Variants in RCAN2 observed in about 807,000 individuals in gnomAD.
RCAN2 encodes regulator of calcineurin 2.
In RCAN2, 9 loss-of-function variants were observed where a neutral mutation model predicts 23.6. The observed-to-expected ratio is 0.38, with a 90% CI of 0.23 to 0.67. RCAN2 has a LOEUF of 0.67. Among genes scored for constraint, RCAN2 ranks in the 30% least tolerant of loss-of-function variants. The probability of loss-of-function intolerance (pLI) is 0.51; values close to 1 mark genes in which losing one functional copy is unlikely to be tolerated. For missense variants in RCAN2, 273 were observed against 302.3 expected, an observed-to-expected ratio of 0.90 and a Z score of 0.72; for synonymous variants, 109 against 115.7, an observed-to-expected ratio of 0.94 and a Z score of 0.37.
At chr6:46,359,526 C>T (rs1764938826) in intron 2 of RCAN2, among the ~76,000 whole-genome samples, 2 of 152,190 alleles carry the variant, frequency 1.3e-5, no homozygotes, top group Admixed American at 6.5e-5. Flanking sequence ...CTAATTCTAT[C>T]AGAATCCTCC....
intron 2 of RCAN2, among the ~76,000 whole-genome samples, chr6:46,429,702 T>C (rs1018876542): frequency 4.6e-5 from 7 of 152,116 alleles, no homozygotes; most frequent in Non-Finnish European, 1.0e-4. Context: ...TTCTTGCCCT[T>C]ATGGACCCTA....
intron 2 of RCAN2, among the ~76,000 whole-genome samples, chr6:46,431,483 C>G (rs1284254953): frequency 6.6e-6 from 1 of 152,110 alleles, no homozygotes; most frequent in African/African-American, 2.4e-5. Context: ...AATAGAAGTC[C>G]GCTCCTTGTT....
intron 1 of RCAN2, among the ~76,000 whole-genome samples, chr6:46,483,574 CTGAG>C (rs1447969576): frequency 5.3e-5 from 8 of 152,174 alleles, no homozygotes; most frequent in East Asian, 1.9e-4. Flanking sequence ...GAAAATCTGA[CTGAG>C]TAAGTAATTC....
intron 2 of RCAN2, among the ~76,000 whole-genome samples, chr6:46,369,246 TGC>T (rs1435289326): frequency 1.3e-5 from 2 of 152,142 alleles, no homozygotes; most frequent in African/African-American, 4.8e-5. Context: ...ATAATGACAA[TGC>T]CTTCTGGAAT....
At chr6:46,399,183 G>T (rs1232395179) in intron 2 of RCAN2, among the ~76,000 whole-genome samples, 1 of 151,940 alleles carries the variant, frequency 6.6e-6, no homozygotes, top group Non-Finnish European at 1.5e-5. Flanking sequence ...TCTCATTGAT[G>T]CAGCTAGTAA....
At chr6:46,442,830 G>T (rs1249636305) in intron 2 of RCAN2, among the ~76,000 whole-genome samples, 1 of 152,088 alleles carries the variant, frequency 6.6e-6, no homozygotes, top group African/African-American at 2.4e-5. Context: ...TGGGCCCCGG[G>T]GGTCACTCAG....
intron 2 of RCAN2, among the ~76,000 whole-genome samples, chr6:46,275,870 A>G (rs1296713635): frequency 6.6e-6 from 1 of 152,220 alleles, no homozygotes; most frequent in Non-Finnish European, 1.5e-5. Flanking sequence ...AACATCCACT[A>G]TGAGGTCATC....
chr6:46,363,639 A>T (rs1211980785), intron 2 of RCAN2, among the ~76,000 whole-genome samples: 1 of 152,176 alleles, frequency 6.6e-6, no homozygotes, highest in Non-Finnish European at 1.5e-5. Flanking sequence ...AAACAAAAGA[A>T]ATGAAATGAA....
intron 4 of RCAN2, among the ~76,000 whole-genome samples, chr6:46,238,352 G>A (rs1766180267): frequency 6.6e-6 from 1 of 152,084 alleles, no homozygotes; most frequent in Non-Finnish European, 1.5e-5. Context: ...AATTAGTGTG[G>A]TTCTCACATA....
chr6:46,457,231 A>T (rs1321486155), intron 1 of RCAN2, among the ~76,000 whole-genome samples: 2 of 152,186 alleles, frequency 1.3e-5, no homozygotes, highest in East Asian at 3.9e-4. Context: ...ACAGACAAAC[A>T]AATAGGTATA....
At chr6:46,409,212 A>G (rs1396518443) in intron 2 of RCAN2, among the ~76,000 whole-genome samples, 6 of 152,236 alleles carry the variant, frequency 3.9e-5, no homozygotes, top group Non-Finnish European at 7.3e-5. Context: ...CGAGTTCCAT[A>G]GATACACTTT....
At chr6:46,416,789 T>C (rs1244979681) in intron 2 of RCAN2, among the ~76,000 whole-genome samples, 1 of 152,204 alleles carries the variant, frequency 6.6e-6, no homozygotes, top group Non-Finnish European at 1.5e-5. Context: ...CCCAAAGGGC[T>C]GGGATTACAG....
intron 2 of RCAN2, among the ~76,000 whole-genome samples, chr6:46,303,244 G>A (rs938471675): frequency 4.6e-5 from 7 of 151,874 alleles, no homozygotes; most frequent in African/African-American, 9.7e-5. Flanking sequence ...AACACGAGAT[G>A]TATATCTTCA....
intron 4 of RCAN2, among the ~76,000 whole-genome samples, chr6:46,237,603 A>G (rs1766148881): frequency 6.6e-6 from 1 of 152,156 alleles, no homozygotes; most frequent in African/African-American, 2.4e-5. Flanking sequence ...GGCTTTAATG[A>G]TTGTCTTGAC....
chr6:46,425,944 G>GC (rs1018755534), intron 2 of RCAN2, among the ~76,000 whole-genome samples: 15 of 147,520 alleles, frequency 1.0e-4, no homozygotes, highest in African/African-American at 3.8e-4. Context: ...TGTCACCCAG[G>GC]CCGGAGTGCA....
chr6:46,383,341 C>G (rs537188504), intron 2 of RCAN2, among the ~76,000 whole-genome samples: 39 of 152,142 alleles, frequency 2.6e-4, no homozygotes, highest in African/African-American at 9.2e-4. Flanking sequence ...ATCTGGGAGT[C>G]AGGAACAGCT....
At chr6:46,313,562 G>T in intron 2 of RCAN2, among the ~76,000 whole-genome samples, 1 of 152,186 alleles carries the variant, frequency 6.6e-6, no homozygotes, top group East Asian at 1.9e-4. Flanking sequence ...CCTGAACTCA[G>T]GTCTTTCTGC....
intron 2 of RCAN2, among the ~76,000 whole-genome samples, chr6:46,439,365 G>A (rs539561987): frequency 6.6e-6 from 1 of 152,288 alleles, no homozygotes; most frequent in South Asian, 2.1e-4. Flanking sequence ...GCTCCAAAAG[G>A]AAGTCATTCC....
rs558904828 is a variant in RCAN2, at chr6:46,412,371, G to C, written c.225+44381C>G. ...GGGAATGTTCAGTAGACAAATCTGA[G>C]AGTCTGGAGTTCTGGGGTATAGTTG... On this transcript the variant is annotated intron_variant, in intron 2 of 4. Coordinates refer to ENST00000371374, the MANE Select transcript of RCAN2 (RefSeq NM_001251974.2). Among the ~76,000 whole-genome samples the C allele has an allele frequency of 2.6e-5, 4 of 152,302 alleles. No homozygotes were observed. In the South Asian group the frequency reaches 6.2e-4, roughly 24 times the overall value.
Sources: allele counts gnomAD v4.1 joint callset (sites outside exome capture counted in the v4.1 genomes callset), GRCh38; gene constraint gnomAD v4.1.1; transcripts MANE v1.5; gene names NCBI Gene and HGNC (gene_info 2026-07-23, HGNC 2026-07-21).